SCHIP1: variants seen among roughly 807,000 people sequenced by gnomAD.
The protein encoded by SCHIP1 is schwannomin interacting protein 1.
SCHIP1 carries 8 observed loss-of-function variants against 29.7 expected under a neutral mutation model. That is an observed-to-expected ratio of 0.27 (90% CI 0.16 to 0.49). The LOEUF (loss-of-function observed/expected upper bound fraction) is 0.49. Among genes scored for constraint, SCHIP1 ranks in the 20% least tolerant of loss-of-function variants. The pLI, the probability that SCHIP1 is intolerant of heterozygous loss-of-function variation, is 0.99. For synonymous variants in SCHIP1, 76 were observed against 94.9 expected, an observed-to-expected ratio of 0.80 and a Z score of 1.16; for missense variants, 193 against 294.6, an observed-to-expected ratio of 0.66 and a Z score of 2.52.
the SCHIP1 span, among the ~76,000 whole-genome samples, chr3:159,280,302 A>G: frequency 1.3e-5 from 2 of 152,054 alleles, no homozygotes; most frequent in South Asian, 4.1e-4. Flanking sequence ...GTGTGTTTCC[A>G]CCACTTTCAC....
chr3:159,350,551 T>C, the SCHIP1 span, among the ~76,000 whole-genome samples: 2 of 152,164 alleles, frequency 1.3e-5, no homozygotes, highest in Non-Finnish European at 2.9e-5. Flanking sequence ...AAACTGGTCT[T>C]TTCCTTTCAA....
the SCHIP1 span, among the ~76,000 whole-genome samples, chr3:159,329,376 C>T: frequency 0.024 from 3,619 of 152,112 alleles, 68 homozygotes; most frequent in East Asian, 0.11. Flanking sequence ...TTGATGGAAC[C>T]GGAGAAGATG....
At chr3:159,829,413 T>TA in the SCHIP1 span, among the ~76,000 whole-genome samples, 1 of 152,092 alleles carries the variant, frequency 6.6e-6, no homozygotes, top group South Asian at 2.1e-4. Context: ...AACTGGAAAT[T>TA]AAAGAGTTGT....
the SCHIP1 span, among the ~76,000 whole-genome samples, chr3:159,777,184 G>A: frequency 2.0e-5 from 3 of 152,164 alleles, no homozygotes; most frequent in East Asian, 5.8e-4. Flanking sequence ...CTGCCCCTAG[G>A]CTACCAGTTA....
At chr3:159,522,074 T>C in the SCHIP1 span, among the ~76,000 whole-genome samples, 1 of 151,798 alleles carries the variant, frequency 6.6e-6, no homozygotes, top group African/African-American at 2.4e-5. Flanking sequence ...TAATTAGACA[T>C]ATATCTGTGC....
the SCHIP1 span, among the ~76,000 whole-genome samples, chr3:159,315,044 G>A: frequency 1.3e-5 from 2 of 152,154 alleles, no homozygotes; most frequent in African/African-American, 2.4e-5. Flanking sequence ...TGCTCAGTTA[G>A]AAACAATGTT....
the SCHIP1 span, among the ~76,000 whole-genome samples, chr3:159,280,170 C>A: frequency 2.0e-5 from 3 of 152,158 alleles, no homozygotes; most frequent in Admixed American, 2.0e-4. Flanking sequence ...TTGTAAAATG[C>A]CCCTGATGTC....
chr3:159,842,997 CTTTCTTTTTTTTTTT>C lies in SCHIP1; in HGVS notation c.30+2787_30+2801del, dbSNP rs1213273671. Among the ~76,000 whole-genome samples, 8 of 61,774 alleles carry C rather than the reference CTTTCTTTTTTTTTTT, an allele frequency of 1.3e-4. 3 individuals are homozygous for C. In the East Asian group the frequency reaches 2.5e-3, roughly 19 times the overall value. The allele number at this position is 61,774 out of a possible 152,430, so 40.5% of individuals were successfully genotyped here. On this transcript the variant is annotated intron_variant, in intron 1 of 6. Transcript: ENST00000445224. ...GCTCTCCAGTTCTATCCCAATATTT[CTTTCTTTTTTTTTTT>C]TTTTTTTTTTTTTTTTTGAGATGGA... is the stretch of plus-strand genomic sequence containing the variant.
upstream of SCHIP1, among the ~76,000 whole-genome samples, chr3:159,838,501 T>TA (rs1045156119): frequency 6.6e-6 from 1 of 152,186 alleles, no homozygotes; most frequent in Non-Finnish European, 1.5e-5. Flanking sequence ...TAAAATAGCT[T>TA]AAAAATAATG....
chr3:159,473,019 T>C, the SCHIP1 span, among the ~76,000 whole-genome samples: 2 of 152,168 alleles, frequency 1.3e-5, no homozygotes, highest in Non-Finnish European at 2.9e-5. Flanking sequence ...TTTTGCATTA[T>C]ATAGAAAAAT....
chr3:159,584,667 T>C, the SCHIP1 span, among the ~76,000 whole-genome samples: 1 of 152,124 alleles, frequency 6.6e-6, no homozygotes, highest in African/African-American at 2.4e-5. Flanking sequence ...GATGAGAGGT[T>C]CTCAGTGTGT....
the SCHIP1 span, among the ~76,000 whole-genome samples, chr3:159,757,031 C>T: frequency 6.6e-6 from 1 of 152,234 alleles, no homozygotes; most frequent in Non-Finnish European, 1.5e-5. Context: ...TTCCTGTCTT[C>T]TTCTGAGCCC....
At chr3:159,488,348 C>T in the SCHIP1 span, among the ~76,000 whole-genome samples, 2 of 151,872 alleles carry the variant, frequency 1.3e-5, no homozygotes, top group East Asian at 3.9e-4. Flanking sequence ...ATTTGTGACA[C>T]AAAGAAAGGA....
chr3:159,532,516 T>G, the SCHIP1 span, among the ~76,000 whole-genome samples: 1 of 152,248 alleles, frequency 6.6e-6, no homozygotes, highest in African/African-American at 2.4e-5. Flanking sequence ...ATTCAAAAAT[T>G]TGTTTTTATC....
the SCHIP1 span, among the ~76,000 whole-genome samples, chr3:159,671,856 C>T: frequency 1.1e-3 from 171 of 152,250 alleles, no homozygotes; most frequent in African/African-American, 3.9e-3. Flanking sequence ...CTGAGAAATG[C>T]GAGAACCCAG....
the SCHIP1 span, among the ~76,000 whole-genome samples, chr3:159,757,945 A>C: frequency 6.6e-6 from 1 of 152,150 alleles, no homozygotes; most frequent in South Asian, 2.1e-4. Context: ...GATAAGCTAA[A>C]CACTTTAAAG....
At chr3:159,693,386 C>T in the SCHIP1 span, among the ~76,000 whole-genome samples, 1 of 152,204 alleles carries the variant, frequency 6.6e-6, no homozygotes, top group East Asian at 1.9e-4. Flanking sequence ...AATCTGCCAA[C>T]TTTATATTTG....
chr3:159,523,192 TA>T, the SCHIP1 span, among the ~76,000 whole-genome samples: 5 of 152,326 alleles, frequency 3.3e-5, no homozygotes, highest in East Asian at 5.8e-4. Context: ...TTCTTAAACA[TA>T]ACCATACTCC....
chr3:159,527,426 C>T, the SCHIP1 span, among the ~76,000 whole-genome samples: 1 of 152,154 alleles, frequency 6.6e-6, no homozygotes. Flanking sequence ...GAAAGGATTC[C>T]TTCAGCAGAG....
Sources: gnomAD v4.1 joint callset for allele counts (sites outside exome capture counted in the v4.1 genomes callset) on GRCh38, gnomAD v4.1.1 for gene constraint, MANE v1.5 for transcripts, NCBI Gene and HGNC (gene_info 2026-07-23, HGNC 2026-07-21) for gene names.